The following NKAIN4 variants were observed in gnomAD, a reference collection of about 807,000 sequenced individuals.
NKAIN4 encodes the protein sodium/potassium transporting ATPase interacting 4, also known as sodium/potassium-transporting ATPase subunit beta-1-interacting protein 4.
A neutral mutation model predicts 28.8 loss-of-function variants in NKAIN4; 28 were observed. That is an observed-to-expected ratio of 0.97 (90% confidence interval 0.72 to 1.33). NKAIN4 has a LOEUF of 1.33. Among genes scored for constraint, NKAIN4 ranks in the 40% most tolerant of loss-of-function variants. NKAIN4 has a pLI of 0.00. For synonymous variants in NKAIN4, 122 were observed against 115.6 expected (o/e 1.06, Z -0.36); for missense variants, 289 against 277.2 (o/e 1.04, Z -0.30).
At chr20:63,253,221 A>G (rs1369604007) in intron 1 of NKAIN4, 2 of 985,352 alleles carry the variant, frequency 2.0e-6, no homozygotes, top group East Asian at 1.1e-4. Flanking sequence ...CACTCACTGA[A>G]AGATACCAAC....
At chr20:63,241,570 AC>A in intron 6 of NKAIN4, 64 bp from the exon 7 acceptor site, 1 of 1,410,898 alleles carries the variant, frequency 7.1e-7, no homozygotes, top group Non-Finnish European at 9.8e-7. Flanking sequence ...GGGGGCTGCC[AC>A]CCCCTCCCCT....
intron 4 of NKAIN4, chr20:63,244,547 G>A (rs2066821299): frequency 4.2e-6 from 2 of 471,664 alleles, no homozygotes; most frequent in Non-Finnish European, 8.8e-6. Context: ...TGGGATTCTG[G>A]TTTTGAGCCC....
At chr20:63,247,454 A>G in intron 4 of NKAIN4, 124 bp downstream of exon 4, 4 of 1,545,980 alleles carry the variant, frequency 2.6e-6, no homozygotes, top group Non-Finnish European at 3.5e-6. Flanking sequence ...GTGGGGGATG[A>G]GGAAGGCAGA....
At chr20:63,246,687 G>T (rs537438815) in intron 4 of NKAIN4, 2 of 981,514 alleles carry the variant, frequency 2.0e-6, no homozygotes, top group Non-Finnish European at 2.4e-6. Context: ...CCTCGAGATC[G>T]GTCAGAAGTT....
chr20:63,247,744 C>T lies in NKAIN4; in HGVS notation c.305G>A (p.Arg102Gln), dbSNP rs778530273. ...GCGCTCACGCCACCAGGAGCGATGC[C>T]GGGAGAGGCTGAAGGTCAGTAGCTC... is the stretch of plus-strand genomic sequence containing the variant. ...DSELLTFSLS[R>Q]HRSWWRERWP... is the part of the protein sequence containing the mutation. Residue 102 changes from arginine to glutamine, a missense_variant, in exon 4 of 7, where the codon CGG becomes CAG. Arg to Gln is a conservative substitution (Grantham distance 43). Coordinates refer to ENST00000370316, the MANE Select transcript of NKAIN4 (RefSeq NM_152864.4). The T allele has an allele frequency of 3.4e-5, 50 of 1,480,628 alleles. No individual in the cohort carries two copies. The highest frequency in any genetic ancestry group is 3.2e-4 in the East Asian group (13 of 40,134). 91.7% of individuals were successfully genotyped at this position (1,480,628 alleles called of 1,614,324 possible).
intron 4 of NKAIN4, chr20:63,244,353 G>A (rs1180947386): frequency 7.3e-6 from 4 of 546,738 alleles, no homozygotes; most frequent in Non-Finnish European, 1.0e-5. Flanking sequence ...ATTGGGTGGG[G>A]AAGATGAGCA....
intron 1 of NKAIN4, among the ~76,000 whole-genome samples, chr20:63,251,794 A>C (rs750743336): frequency 1.3e-5 from 2 of 152,170 alleles, no homozygotes; most frequent in Non-Finnish European, 2.9e-5. Context: ...GTTGTATTAT[A>C]TATTTTATTA....
chr20:63,248,389 CCCCCT>C (rs1386926649), intron 3 of NKAIN4: 1 of 187,820 alleles, frequency 5.3e-6, no homozygotes, highest in African/African-American at 2.3e-5. Flanking sequence ...CCTTTTCCCA[CCCCCT>C]CCCCCCACGT....
rs753159661 is a variant in NKAIN4, at chr20:63,249,990, A to G, written c.137T>C (p.Ile46Thr). 6.2e-7 allele frequency: 1 copy of G among 1,613,272 alleles called. No homozygotes were observed. Among genetic ancestry groups the G allele is most frequent in the East Asian group, 2.2e-5 (1 of 44,860 alleles). The change falls in exon 2 of 7, where the codon ATC (isoleucine) becomes ACC (threonine). Residue 46 changes from isoleucine to threonine, a missense_variant. Transcript: ENST00000370316. The stretch of plus-strand genomic sequence containing the variant: ...GGTGCCGAAGAGTCCCAGGATGACG[A>G]TGATGATGTGGACAAAGTTGGCCAG... ...PILANFVHIIIVILGLFGTIQ... is the reference protein window; with the variant it reads ...PILANFVHIITVILGLFGTIQ...
Position 63,245,015 on chromosome 20 carries a change from C to T in NKAIN4, c.472-931G>A, listed in dbSNP as rs536069502. ...TCCATAGACTTGGCCCAACAGCCCC[C>T]CGTGAAGGCCACCGTGCCCAGGAGA... is the stretch of plus-strand genomic sequence containing the variant. On this transcript the variant is annotated intron_variant, in intron 4 of 6. Transcript: ENST00000370316. The surrounding 1 kb of genome is among the most constrained non-coding windows in gnomAD (Gnocchi z 4.7). Among the ~76,000 whole-genome samples the T allele has an allele frequency of 6.6e-6, 1 of 152,292 alleles. No homozygotes were observed. The highest frequency in any genetic ancestry group is 1.9e-4 in the East Asian group (1 of 5,174).
Position 63,241,422 on chromosome 20 carries a change from T to C in NKAIN4, c.*75A>G. 6.6e-7 allele frequency: 1 copy of C among 1,523,326 alleles called. No individual in the cohort carries two copies. Among genetic ancestry groups the C allele is most frequent in the Non-Finnish European group, 8.9e-7 (1 of 1,122,678 alleles). The allele number at this position is 1,523,326 out of a possible 1,614,324, so 94.4% of individuals were successfully genotyped here. A position where few individuals can be genotyped will look rare whatever the true frequency, so the allele number is the denominator to read the frequency against. ...CTGGGTGGGGGCGCGTCCCAAGGCCTGGGAGCTCCTGTCATTGTCACTGGT... is the reference window on the plus strand; with the variant it reads ...CTGGGTGGGGGCGCGTCCCAAGGCCCGGGAGCTCCTGTCATTGTCACTGGT... On this transcript the variant is annotated 3_prime_UTR_variant, in exon 7 of 7. Coordinates refer to ENST00000370316, the MANE Select transcript of NKAIN4 (RefSeq NM_152864.4).
chr20:63,244,944 G>A (rs1015854988), intron 4 of NKAIN4, among the ~76,000 whole-genome samples: 3 of 152,182 alleles, frequency 2.0e-5, no homozygotes, highest in Non-Finnish European at 4.4e-5. Flanking sequence ...CTCAGCAGCC[G>A]GGTGACCCCA....
intron 3 of NKAIN4, 55 bp downstream of exon 3, chr20:63,248,760 G>A (rs7261433): frequency 0.025 from 29,398 of 1,186,300 alleles, 1,330 homozygotes; most frequent in African/African-American, 0.18. Context: ...TGTTACCAGG[G>A]GCCCGGCCCA....
chr20:63,243,064 T>C (rs1218698859), intron 5 of NKAIN4, among the ~76,000 whole-genome samples: 12 of 152,146 alleles, frequency 7.9e-5, no homozygotes, highest in African/African-American at 2.7e-4. Flanking sequence ...CTTGACACTG[T>C]GTCTGCACAG....
chr20:63,247,405 ATGGGACCCACC>A, intron 4 of NKAIN4, 162 bp downstream of exon 4: 12 of 1,534,262 alleles, frequency 7.8e-6, no homozygotes, highest in Non-Finnish European at 9.6e-6. Flanking sequence ...TGCCAGCCAC[ATGGGACCCACC>A]CGTGATACCT....
At position 63,245,382 on chromosome 20, in the gene NKAIN4, G is replaced by T. The variant is rs1327124351; in HGVS notation, c.472-1298C>A. Among the ~76,000 whole-genome samples the T allele has an allele frequency of 6.6e-6, 1 of 152,100 alleles. No individual in the cohort carries two copies. Among genetic ancestry groups the T allele is most frequent in the African/African-American group, 2.4e-5 (1 of 41,404 alleles). On this transcript the variant is annotated intron_variant, in intron 4 of 6. Transcript: ENST00000370316. The surrounding 1 kb of genome is among the most constrained non-coding windows in gnomAD (Gnocchi z 4.7). ...CGCCCCCATCCCGGAGCTGGCCGTGGCGCCGAACAGGCAGCCGAGCTTGGG... is the reference window on the plus strand; with the variant it reads ...CGCCCCCATCCCGGAGCTGGCCGTGTCGCCGAACAGGCAGCCGAGCTTGGG...
In NKAIN4 at chr20:63,249,920, G is replaced by A. The variant is rs371167726; in HGVS notation, c.192+15C>T. ...AACCCACCTGCCCATAAAGAGGGCC[G>A]GGCCCAGGACTCACCACCATGACAT... On this transcript the variant is annotated intron_variant, in intron 2 of 6. Coordinates refer to ENST00000370316, the MANE Select transcript of NKAIN4 (RefSeq NM_152864.4). 1.2e-5 allele frequency: 20 copies of A among 1,602,940 alleles called. No homozygotes were observed. The highest frequency in any genetic ancestry group is 3.3e-4 in the Middle Eastern group (2 of 6,026).
chr20:63,247,383 G>A (rs1288095683), intron 4 of NKAIN4, 195 bp downstream of exon 4: 2 of 1,527,336 alleles, frequency 1.3e-6, no homozygotes, highest in Non-Finnish European at 8.8e-7. Flanking sequence ...GTTTGCAGAG[G>A]AGGCACTGAG....
chr20:63,249,058 C>G, intron 2 of NKAIN4, 163 bp from the exon 3 acceptor site: 1 of 611,220 alleles, frequency 1.6e-6, no homozygotes, highest in African/African-American at 1.8e-5. Context: ...AGGGGTCCCC[C>G]AAGCCCACCC....
Sources: allele counts gnomAD v4.1 joint callset (sites outside exome capture counted in the v4.1 genomes callset), GRCh38; gene constraint gnomAD v4.1.1; non-coding constraint Gnocchi (gnomAD v3.1); transcripts MANE v1.5; gene names NCBI Gene and HGNC (gene_info 2026-07-23, HGNC 2026-07-21).